SYNPR: variants seen among roughly 807,000 people sequenced by gnomAD.
The protein encoded by SYNPR is synaptoporin.
In SYNPR, 23 loss-of-function variants were observed where a neutral mutation model predicts 32.9. The ratio of observed to expected loss-of-function variants is 0.70; its 90% CI spans 0.50 to 0.99. The LOEUF is 0.99. Ranked by LOEUF, SYNPR falls within the 50% of genes least tolerant of loss-of-function variation. The pLI is 0.00. For synonymous variants in SYNPR, 146 were observed against 135.9 expected (o/e 1.07, Z -0.52); for missense variants, 318 against 349.3 (o/e 0.91, Z 0.71).
intron 4 of SYNPR, among the ~76,000 whole-genome samples, chr3:63,587,188 T>C (rs1476132054): frequency 6.6e-6 from 1 of 152,118 alleles, no homozygotes; most frequent in Non-Finnish European, 1.5e-5. Context: ...CGTGACTAAA[T>C]AAGGCCATGT....
intron 3 of SYNPR, among the ~76,000 whole-genome samples, chr3:63,268,190 C>T (rs773577737): frequency 2.6e-5 from 4 of 152,100 alleles, no homozygotes; most frequent in Admixed American, 6.5e-5. Flanking sequence ...TACATGCCAT[C>T]CAGACAATAA....
chr3:63,272,615 C>A (rs2086546100), intron 3 of SYNPR, among the ~76,000 whole-genome samples: 2 of 151,444 alleles, frequency 1.3e-5, no homozygotes, highest in South Asian at 4.2e-4. Context: ...AAATGATCCA[C>A]AGGCCTCTCA....
chr3:63,385,732 T>C (rs554164209), intron 2 of SYNPR, among the ~76,000 whole-genome samples: 1 of 152,358 alleles, frequency 6.6e-6, no homozygotes, highest in South Asian at 2.1e-4. Context: ...ATAAACTTTA[T>C]GTGAGGTCAG....
At chr3:63,410,766 A>T (rs142095863) in intron 2 of SYNPR, among the ~76,000 whole-genome samples, 1 of 152,276 alleles carries the variant, frequency 6.6e-6, no homozygotes, top group East Asian at 1.9e-4. Context: ...AGAAATGAGT[A>T]ATCTGAGGAA....
chr3:63,332,776 A>T (rs1315892895), intron 2 of SYNPR, among the ~76,000 whole-genome samples: 1 of 152,120 alleles, frequency 6.6e-6, no homozygotes, highest in Non-Finnish European at 1.5e-5. Flanking sequence ...CGCATCAAGG[A>T]TCTGAATTCA....
intron 3 of SYNPR, among the ~76,000 whole-genome samples, chr3:63,528,758 C>A (rs1236913425): frequency 3.3e-5 from 5 of 152,240 alleles, no homozygotes; most frequent in African/African-American, 1.2e-4. Context: ...TGGAGTACTA[C>A]GCGATCTTCC....
intron 2 of SYNPR, among the ~76,000 whole-genome samples, chr3:63,348,426 A>G (rs1017641579): frequency 3.9e-5 from 6 of 152,042 alleles, no homozygotes; most frequent in Non-Finnish European, 1.5e-5. Flanking sequence ...AATTCTGGAT[A>G]TCAGTTACCT....
intron 2 of SYNPR, among the ~76,000 whole-genome samples, chr3:63,257,990 G>A (rs533714918): frequency 1.7e-3 from 254 of 152,252 alleles, no homozygotes; most frequent in Non-Finnish European, 2.8e-3. Context: ...TTACATAATG[G>A]TAAAGGGATC....
chr3:63,237,090 T>C (rs576411757), intron 1 of SYNPR, among the ~76,000 whole-genome samples: 1 of 152,298 alleles, frequency 6.6e-6, no homozygotes, highest in South Asian at 2.1e-4. Flanking sequence ...GGGTTTATTA[T>C]ACATTTATTA....
intron 2 of SYNPR, among the ~76,000 whole-genome samples, chr3:63,474,868 T>C (rs1700870138): frequency 6.6e-6 from 1 of 152,146 alleles, no homozygotes; most frequent in Non-Finnish European, 1.5e-5. Context: ...CCTCCCTGAC[T>C]TCACTGCAGA....
At chr3:63,365,487 A>T (rs1039751659) in intron 2 of SYNPR, among the ~76,000 whole-genome samples, 2 of 152,212 alleles carry the variant, frequency 1.3e-5, no homozygotes, top group African/African-American at 4.8e-5. Flanking sequence ...TCGCATAAGA[A>T]GTTTAATTTT....
Position 63,278,443 on chromosome 3 carries a change from G to A in SYNPR, c.-91G>A, listed in dbSNP as rs1234002695. 2.7e-6 allele frequency: 4 copies of A among 1,466,438 alleles called. No homozygotes were observed. The highest frequency in any genetic ancestry group is 1.4e-5 in the African/African-American group (1 of 70,364). The allele number at this position is 1,466,438 out of a possible 1,614,324, so 90.8% of individuals were successfully genotyped here. A position where few individuals can be genotyped will look rare whatever the true frequency, so the allele number is the denominator to read the frequency against. On this transcript the variant is annotated 5_prime_UTR_variant, in exon 1 of 6. Transcript: ENST00000478300. ...GGGTGTCGCTCCTCTGGCTGCTCCCGAAGGGGCTTCTGGCCCTGAGGACGG... is the reference window on the plus strand; with the variant it reads ...GGGTGTCGCTCCTCTGGCTGCTCCCAAAGGGGCTTCTGGCCCTGAGGACGG...
At chr3:63,599,883 T>C (rs1700013575) in intron 4 of SYNPR, among the ~76,000 whole-genome samples, 2 of 152,216 alleles carry the variant, frequency 1.3e-5, no homozygotes, top group African/African-American at 2.4e-5. Flanking sequence ...AAGATAGCTA[T>C]GTAAAAAGCA....
At chr3:63,438,078 C>T (rs1256309197) in intron 2 of SYNPR, among the ~76,000 whole-genome samples, 1 of 152,156 alleles carries the variant, frequency 6.6e-6, no homozygotes, top group Non-Finnish European at 1.5e-5. Context: ...ATTGCTTGGC[C>T]GCTCTGTGCT....
intron 3 of SYNPR, among the ~76,000 whole-genome samples, chr3:63,484,581 G>T (rs1701109650): frequency 6.6e-6 from 1 of 152,118 alleles, no homozygotes; most frequent in Non-Finnish European, 1.5e-5. Flanking sequence ...AATGATGAAT[G>T]AATGAACAGA....
At chr3:63,530,617 T>C (rs1472011350) in intron 3 of SYNPR, among the ~76,000 whole-genome samples, 1 of 152,160 alleles carries the variant, frequency 6.6e-6, no homozygotes, top group Non-Finnish European at 1.5e-5. Context: ...TTCTCAAGTT[T>C]TCCTGCACAT....
At chr3:63,205,636 A>T in the SYNPR span, among the ~76,000 whole-genome samples, 2 of 152,224 alleles carry the variant, frequency 1.3e-5, no homozygotes, top group African/African-American at 4.8e-5. Flanking sequence ...TAGAATGTCT[A>T]TATTCTTCCC....
At chr3:63,287,657 A>C (rs1376124872) in intron 2 of SYNPR, among the ~76,000 whole-genome samples, 1 of 152,172 alleles carries the variant, frequency 6.6e-6, no homozygotes, top group Non-Finnish European at 1.5e-5. Context: ...AAAATGAGAG[A>C]AGAAGGAGGG....
intron 2 of SYNPR, among the ~76,000 whole-genome samples, chr3:63,299,754 A>C (rs1180024861): frequency 1.3e-5 from 2 of 152,164 alleles, no homozygotes; most frequent in Non-Finnish European, 2.9e-5. Context: ...ATGTGAGAAA[A>C]TGCAAATTTT....
Sources: gnomAD v4.1 joint callset for allele counts (sites outside exome capture counted in the v4.1 genomes callset) on GRCh38, gnomAD v4.1.1 for gene constraint, MANE v1.5 for transcripts, NCBI Gene and HGNC (gene_info 2026-07-23, HGNC 2026-07-21) for gene names.